ARHGAP32: variants seen among roughly 807,000 people sequenced by gnomAD.
ARHGAP32 encodes the protein rho GTPase-activating protein 32.
A neutral mutation model predicts 186.5 loss-of-function variants in ARHGAP32; 51 were observed. The observed-to-expected ratio is 0.27, with a 90% confidence interval of 0.22 to 0.35. The LOEUF (loss-of-function observed/expected upper bound fraction) is 0.35, where lower values mean the gene tolerates loss of function less well. ARHGAP32 is among the 10% of genes least tolerant of loss of function. The pLI is 1.00. For synonymous variants in ARHGAP32, 950 were observed against 964.3 expected, an observed-to-expected ratio of 0.99 and a Z score of 0.27; for missense variants, 2,186 against 2,623.5, an observed-to-expected ratio of 0.83 and a Z score of 3.64.
At position 129,019,806 on chromosome 11, in the gene ARHGAP32, A is replaced by G. The variant is rs186322996; in HGVS notation, c.1045+21122T>C. ...CATTGAAAGCTTTTATTGTTTTCCA[A>G]TAATAAGACATATAGTCTAATTAAG... On this transcript the variant is annotated intron_variant, in intron 11 of 22. Coordinates refer to ENST00000682385, the MANE Select transcript of ARHGAP32 (RefSeq NM_001378024.1). Among the ~76,000 whole-genome samples the G allele has an allele frequency of 1.4e-4, 21 of 152,262 alleles. No individual in the cohort carries two copies. In the East Asian group the frequency reaches 2.7e-3, roughly 20 times the overall value.
chr11:129,082,392 G>A (rs1277436055), intron 6 of ARHGAP32, among the ~76,000 whole-genome samples: 1 of 152,186 alleles, frequency 6.6e-6, no homozygotes, highest in Middle Eastern at 3.4e-3. Flanking sequence ...TCATGGTACT[G>A]GTATAAAAAT....
intron 2 of ARHGAP32, among the ~76,000 whole-genome samples, chr11:129,139,375 T>C (rs1943001604): frequency 6.6e-6 from 1 of 152,208 alleles, no homozygotes; most frequent in Non-Finnish European, 1.5e-5. Context: ...ACAGATTATA[T>C]ATATGCTTCC....
chr11:129,093,477 T>C (rs1941639190), intron 6 of ARHGAP32, 144 bp downstream of exon 6: 1 of 656,046 alleles, frequency 1.5e-6, no homozygotes, highest in Non-Finnish European at 2.7e-6. Context: ...ATAGTCATTA[T>C]TGCACAATCT....
chr11:129,160,889 G>A (rs1023668478), intron 2 of ARHGAP32, among the ~76,000 whole-genome samples: 11 of 152,070 alleles, frequency 7.2e-5, no homozygotes, highest in African/African-American at 2.4e-4. Flanking sequence ...GAGGCATCAC[G>A]CTACCTGACT....
At chr11:129,172,909 C>A (rs1359689527) in intron 1 of ARHGAP32, among the ~76,000 whole-genome samples, 1 of 150,948 alleles carries the variant, frequency 6.6e-6, no homozygotes, top group Non-Finnish European at 1.5e-5. Context: ...GCAAACTAAT[C>A]CAAAAGCTAG....
intron 2 of ARHGAP32, among the ~76,000 whole-genome samples, chr11:129,149,934 G>A (rs1187839028): frequency 6.6e-6 from 1 of 151,556 alleles, no homozygotes; most frequent in African/African-American, 2.4e-5. Context: ...CAGAGAAATA[G>A]GTATCATAAA....
chr11:129,219,088 T>C (rs1025573666), intron 1 of ARHGAP32, among the ~76,000 whole-genome samples: 5 of 152,154 alleles, frequency 3.3e-5, no homozygotes, highest in East Asian at 1.9e-4. Context: ...TTGGGCCACA[T>C]TGGGATGAGG....
chr11:129,213,275 C>CA (rs1342515257), intron 1 of ARHGAP32, among the ~76,000 whole-genome samples: 1 of 152,124 alleles, frequency 6.6e-6, no homozygotes, highest in Admixed American at 6.6e-5. Context: ...CGAAAATGGA[C>CA]AAAATCACTG....
intron 1 of ARHGAP32, among the ~76,000 whole-genome samples, chr11:129,235,279 A>G (rs1031828220): frequency 6.6e-6 from 1 of 152,092 alleles, no homozygotes; most frequent in Non-Finnish European, 1.5e-5. Flanking sequence ...CTAACACAGC[A>G]CCTGCCACGA....
Position 129,134,390 on chromosome 11 carries a change from T to C in ARHGAP32, c.226-9496A>G, listed in dbSNP as rs529591351. Among the ~76,000 whole-genome samples the C allele has an allele frequency of 5.2e-4, 79 of 152,242 alleles. 1 individual carries two copies. Among genetic ancestry groups the C allele is most frequent in the African/African-American group, 1.7e-3 (72 of 41,548 alleles). On this transcript the variant is annotated intron_variant, in intron 2 of 22. Coordinates refer to ENST00000682385, the MANE Select transcript of ARHGAP32 (RefSeq NM_001378024.1). ...ATTATTCTGGAGTGCCTCACCAGCG[T>C]AATCAGGAAAGTAAAAGAAATAAAA...
chr11:129,046,754 T>C (rs894419977), intron 10 of ARHGAP32, among the ~76,000 whole-genome samples: 3 of 152,110 alleles, frequency 2.0e-5, no homozygotes, highest in African/African-American at 4.8e-5. Flanking sequence ...ATCCTAACTA[T>C]AGTCTCTTTG....
intron 1 of ARHGAP32, among the ~76,000 whole-genome samples, chr11:129,257,503 A>T (rs1472551267): frequency 6.6e-6 from 1 of 152,120 alleles, no homozygotes; most frequent in Non-Finnish European, 1.5e-5. Flanking sequence ...GCCAGGCATG[A>T]TGATGCATGC....
At chr11:129,007,688 G>A (rs1450864264) in intron 11 of ARHGAP32, among the ~76,000 whole-genome samples, 1 of 152,144 alleles carries the variant, frequency 6.6e-6, no homozygotes, top group Non-Finnish European at 1.5e-5. Context: ...AGGGTAAGGG[G>A]AGAGGTGGCA....
At chr11:129,037,525 T>TTCCA (rs1173770128) in intron 11 of ARHGAP32, among the ~76,000 whole-genome samples, 6 of 151,432 alleles carry the variant, frequency 4.0e-5, no homozygotes, top group Non-Finnish European at 5.9e-5. Context: ...CAAAAGAATA[T>TTCCA]CTAAATAAAT....
chr11:129,082,567 T>A (rs1941252300), intron 6 of ARHGAP32, among the ~76,000 whole-genome samples: 1 of 152,104 alleles, frequency 6.6e-6, no homozygotes, highest in Admixed American at 6.5e-5. Context: ...TGAAACTGGA[T>A]CCTCATCTCT....
chr11:129,268,356 C>A (rs1183771947), intron 1 of ARHGAP32, among the ~76,000 whole-genome samples: 1 of 152,066 alleles, frequency 6.6e-6, no homozygotes, highest in African/African-American at 2.4e-5. Flanking sequence ...GAATGAGATA[C>A]ATTTCCTAAC....
At chr11:129,131,349 T>G (rs1363670941) in intron 2 of ARHGAP32, among the ~76,000 whole-genome samples, 1 of 152,150 alleles carries the variant, frequency 6.6e-6, no homozygotes, top group African/African-American at 2.4e-5. Flanking sequence ...TATAGAACTT[T>G]AGCTGGTTCT....
chr11:129,135,543 G>A (rs532267068), intron 2 of ARHGAP32, among the ~76,000 whole-genome samples: 116 of 152,270 alleles, frequency 7.6e-4, no homozygotes, highest in African/African-American at 2.5e-3. Context: ...CAAGGCTGGC[G>A]GATCAGAAGG....
intron 5 of ARHGAP32, among the ~76,000 whole-genome samples, chr11:129,109,808 TG>T (rs1287430032): frequency 6.6e-6 from 1 of 152,088 alleles, no homozygotes; most frequent in Non-Finnish European, 1.5e-5. Flanking sequence ...GTTTTGTTTT[TG>T]TTTTTGCTGT....
Sources: allele counts gnomAD v4.1 joint callset (sites outside exome capture counted in the v4.1 genomes callset), GRCh38; gene constraint gnomAD v4.1.1; transcripts MANE v1.5; gene names NCBI Gene and HGNC (gene_info 2026-07-23, HGNC 2026-07-21).